The following EXOC2 variants were observed in gnomAD, a reference collection of about 807,000 sequenced individuals.
The protein encoded by EXOC2 is SEC5-like 1.
A neutral mutation model predicts 131.8 loss-of-function variants in EXOC2; 70 were observed. The ratio of observed to expected loss-of-function variants is 0.53; its 90% CI spans 0.44 to 0.65. EXOC2 has a LOEUF of 0.65. Among genes scored for constraint, EXOC2 ranks in the 30% least tolerant of loss-of-function variants. The probability of loss-of-function intolerance (pLI) is 0.00; values close to 1 mark genes in which losing one functional copy is unlikely to be tolerated. For missense variants in EXOC2, 923 were observed against 1,108.6 expected (o/e 0.83, Z 2.38); for synonymous variants, 411 against 398.4 (o/e 1.03, Z -0.38).
chr6:565,977 C>A (rs111548375), intron 13 of EXOC2, among the ~76,000 whole-genome samples: 8 of 152,284 alleles, frequency 5.3e-5, no homozygotes, highest in Admixed American at 3.9e-4. Context: ...GACAAAAAAA[C>A]GGGCAGCACA....
intron 23 of EXOC2, among the ~76,000 whole-genome samples, chr6:522,105 C>G (rs1200665182): frequency 1.3e-5 from 2 of 152,190 alleles, no homozygotes; most frequent in East Asian, 3.8e-4. Flanking sequence ...TACTCCAAGC[C>G]AGGTGCCTGG....
At chr6:687,037 A>G (rs968085258) in intron 1 of EXOC2, among the ~76,000 whole-genome samples, 3 of 152,178 alleles carry the variant, frequency 2.0e-5, no homozygotes, top group Admixed American at 2.0e-4. Flanking sequence ...TTAGATCTAT[A>G]TGCATAGATA....
chr6:660,978 CT>C (rs1763401862), intron 1 of EXOC2, among the ~76,000 whole-genome samples: 3 of 152,108 alleles, frequency 2.0e-5, no homozygotes, highest in Admixed American at 1.3e-4. Context: ...ATTCAGGAAA[CT>C]TTGGACACAC....
At chr6:566,946 C>T (rs998771824) in intron 13 of EXOC2, among the ~76,000 whole-genome samples, 3 of 152,184 alleles carry the variant, frequency 2.0e-5, no homozygotes, top group Non-Finnish European at 2.9e-5. Flanking sequence ...CTGCGAGCAA[C>T]GTCAGAATTC....
chr6:536,933 T>C (rs1766476373), intron 22 of EXOC2, among the ~76,000 whole-genome samples: 1 of 152,192 alleles, frequency 6.6e-6, no homozygotes, highest in Non-Finnish European at 1.5e-5. Flanking sequence ...TAGAGCCTTC[T>C]AAAAATCGTC....
rs950099001 is a variant in EXOC2, at chr6:599,314, C to T, written c.743-89G>A. ...GGGCACTAGAAACAAAATGTTAATA[C>T]TGCTATTGTAGTTTTACGTTAAAAC... On this transcript the variant is annotated intron_variant, in intron 7 of 27. Coordinates refer to ENST00000230449, the MANE Select transcript of EXOC2 (RefSeq NM_018303.6). 1.8e-5 allele frequency: 22 copies of T among 1,208,592 alleles called. No individual in the cohort carries two copies. The African/African-American group carries it at 1.9e-4, about 10-fold the overall frequency. The allele number at this position is 1,208,592 out of a possible 1,614,324, so 74.9% of individuals were successfully genotyped here.
chr6:495,835 C>T (rs373513209), intron 25 of EXOC2, among the ~76,000 whole-genome samples: 1 of 152,180 alleles, frequency 6.6e-6, no homozygotes, highest in Non-Finnish European at 1.5e-5. Context: ...TTTTGAAAAT[C>T]TAATTACATG....
chr6:501,102 A>G (rs1430690492), intron 23 of EXOC2, among the ~76,000 whole-genome samples: 1 of 88,896 alleles, frequency 1.1e-5, no homozygotes, highest in African/African-American at 4.7e-5. Context: ...CTCAAAAGAT[A>G]TATATATTAT....
rs1329916926 is a variant in EXOC2, at chr6:492,782, AG to A, written c.2560-1597del. On this transcript the variant is annotated intron_variant, in intron 25 of 27. Transcript: ENST00000230449. ...GGCAAATGATTAGACTTAATGGGTC[AG>A]GGGTTTCTTTTGGGATGAAATGTTC... 4.6e-5 allele frequency among the ~76,000 whole-genome samples: 7 copies of A among 152,330 alleles called. No homozygotes were observed. The East Asian group carries it at 1.2e-3, about 25-fold the overall frequency.
At chr6:570,876 G>A (rs1283104354) in intron 13 of EXOC2, among the ~76,000 whole-genome samples, 2 of 152,192 alleles carry the variant, frequency 1.3e-5, no homozygotes. Context: ...ATTTGGTTTA[G>A]GGACAGAGCA....
At chr6:650,838 G>A (rs1328451691) in intron 1 of EXOC2, among the ~76,000 whole-genome samples, 1 of 152,172 alleles carries the variant, frequency 6.6e-6, no homozygotes, top group African/African-American at 2.4e-5. Context: ...CAGACAACTG[G>A]AGGAAAGAAG....
chr6:656,173 T>C (rs760820587), intron 1 of EXOC2: 1 of 1,613,644 alleles, frequency 6.2e-7, no homozygotes, highest in South Asian at 1.1e-5. Flanking sequence ...TGAAGAAGAG[T>C]ATTGTCCCAA....
chr6:652,529 C>CA (rs1168708382), intron 1 of EXOC2, among the ~76,000 whole-genome samples: 6 of 152,154 alleles, frequency 3.9e-5, no homozygotes, highest in African/African-American at 1.4e-4. Context: ...TATCTTACTG[C>CA]ATAAGCCACC....
rs545597858 is a variant in EXOC2 at position 513,897 on chromosome 6, TC to T, written c.2381-14198del. ...AAACTGCTTTGTTGATGTCTCTTGCTCCACACACTTAAAAATCTAGCCACAA... is the reference window on the plus strand; with the variant it reads ...AAACTGCTTTGTTGATGTCTCTTGCTCACACACTTAAAAATCTAGCCACAA... On this transcript the variant is annotated intron_variant, in intron 23 of 27. Transcript: ENST00000230449. 1.3e-3 allele frequency among the ~76,000 whole-genome samples: 204 copies of T among 152,354 alleles called. 1 individual carries two copies. Among genetic ancestry groups the T allele is most frequent in the African/African-American group, 4.5e-3 (189 of 41,574 alleles).
intron 22 of EXOC2, among the ~76,000 whole-genome samples, chr6:539,108 T>C (rs1010452329): frequency 2.0e-5 from 3 of 150,848 alleles, no homozygotes; most frequent in African/African-American, 7.3e-5. Context: ...AAGTAGAAAA[T>C]GCGCTTACGA....
chr6:497,419 A>G lies in EXOC2; in HGVS notation c.2507T>C (p.Leu836Pro). The change falls in exon 25 of 28, where the codon CTC (leucine) becomes CCC (proline). Residue 836 changes from leucine (L) to proline (P), a missense_variant. Transcript: ENST00000230449. ...SKVIEAVSEE[L>P]SRLMQCVSSF... ...TGAAACACACTGCATCAGTCGACTG[A>G]GCTCTTCAGAAACTGCTTCTATCAC... The G allele has an allele frequency of 6.2e-7, 1 of 1,614,060 alleles. No individual in the cohort carries two copies.
intron 11 of EXOC2, among the ~76,000 whole-genome samples, chr6:585,197 A>G (rs1005209264): frequency 1.3e-5 from 2 of 152,242 alleles, no homozygotes; most frequent in Admixed American, 1.3e-4. Flanking sequence ...ATCAGTATTT[A>G]GAAGGTTTCA....
At chr6:608,990 C>G (rs13218520) in intron 7 of EXOC2, among the ~76,000 whole-genome samples, 19 of 152,018 alleles carry the variant, frequency 1.2e-4, no homozygotes, top group African/African-American at 4.3e-4. Flanking sequence ...TGACTTGGTT[C>G]TCAAAGATAA....
intron 23 of EXOC2, among the ~76,000 whole-genome samples, chr6:504,106 G>GT (rs1218765250): frequency 6.6e-6 from 1 of 152,260 alleles, no homozygotes; most frequent in Non-Finnish European, 1.5e-5. Flanking sequence ...GGCAAAAGCA[G>GT]TAGCCACGTG....
Sources: allele counts gnomAD v4.1 joint callset (sites outside exome capture counted in the v4.1 genomes callset), GRCh38; gene constraint gnomAD v4.1.1; transcripts MANE v1.5; gene names NCBI Gene and HGNC (gene_info 2026-07-23, HGNC 2026-07-21).